CPEB4: variants seen among roughly 807,000 people sequenced by gnomAD.
CPEB4 encodes cytoplasmic polyadenylation element-binding protein 4.
In CPEB4, 12 loss-of-function variants were observed where a neutral mutation model predicts 72.5. The ratio of observed to expected loss-of-function variants is 0.17; its 90% CI spans 0.11 to 0.27. CPEB4 has a LOEUF of 0.27. CPEB4 is among the 10% of genes least tolerant of loss of function. The pLI, the probability that CPEB4 is intolerant of heterozygous loss-of-function variation, is 1.00. For missense variants in CPEB4, 614 were observed against 908.5 expected (o/e 0.68, Z 4.17); for synonymous variants, 302 against 326.3 (o/e 0.93, Z 0.80).
At chr5:173,910,321 A>G (rs528548211) in intron 1 of CPEB4, among the ~76,000 whole-genome samples, 2 of 152,290 alleles carry the variant, frequency 1.3e-5, no homozygotes, top group Admixed American at 6.5e-5. Context: ...TTAGAAGTCA[A>G]ATCACTCTTT....
intron 7 of CPEB4, 29 bp from the exon 8 acceptor site, chr5:173,951,795 T>A: frequency 7.5e-7 from 1 of 1,332,370 alleles, no homozygotes. Context: ...GTATTGAGAA[T>A]GAGACATTTT....
chr5:173,935,905 T>C (rs975784710), intron 3 of CPEB4, among the ~76,000 whole-genome samples: 1 of 152,192 alleles, frequency 6.6e-6, no homozygotes, highest in African/African-American at 2.4e-5. Context: ...CCCTGCTCGA[T>C]CATCAATTTC....
chr5:173,893,950 C>A (rs1755908399), intron 1 of CPEB4, among the ~76,000 whole-genome samples: 1 of 152,130 alleles, frequency 6.6e-6, no homozygotes, highest in Non-Finnish European at 1.5e-5. Context: ...TAGCTTAAAG[C>A]TTCATTACAT....
intron 3 of CPEB4, among the ~76,000 whole-genome samples, chr5:173,939,669 G>A (rs1165214192): frequency 6.6e-6 from 1 of 151,588 alleles, no homozygotes; most frequent in Non-Finnish European, 1.5e-5. Context: ...ATCCTGTAAA[G>A]ACGTTTTAGA....
chr5:173,923,700 C>CT lies in CPEB4; in HGVS notation c.1208-8741dup, dbSNP rs1323458592. Reference sequence around the variant, plus strand: ...TTTCTTTCCATTATATTTTTTTCACCTTTTTTTTTCCAACTGACTTTGGCT... The same window carrying CT: ...TTTCTTTCCATTATATTTTTTTCACCTTTTTTTTTTCCAACTGACTTTGGCT... On this transcript the variant is annotated intron_variant, in intron 2 of 9. Coordinates refer to ENST00000265085, the MANE Select transcript of CPEB4 (RefSeq NM_030627.4). 4.3e-4 allele frequency among the ~76,000 whole-genome samples: 65 copies of CT among 150,536 alleles called. 1 individual carries two copies. The highest frequency in any genetic ancestry group is 7.7e-4 in the East Asian group (4 of 5,174).
intron 2 of CPEB4, 33 bp downstream of exon 2, chr5:173,910,637 A>G (rs769924421): frequency 7.4e-7 from 1 of 1,344,196 alleles, no homozygotes; most frequent in Non-Finnish European, 1.1e-6. Flanking sequence ...TTGATTTCAG[A>G]CAATAGTTTT....
chr5:173,909,351 T>G (rs1429875267), intron 1 of CPEB4, among the ~76,000 whole-genome samples: 3 of 152,198 alleles, frequency 2.0e-5, no homozygotes, highest in Non-Finnish European at 4.4e-5. Context: ...GACTGGGTTG[T>G]TTGGGGACCT....
Position 173,960,099 on chromosome 5 carries a change from T to G in CPEB4, c.*3962T>G, listed in dbSNP as rs1476646754. On this transcript the variant is annotated 3_prime_UTR_variant, in exon 10 of 10. Transcript: ENST00000265085. ...TAAATAAGGGTAATTCATTTTTTAT[T>G]AAAGTCATTTTCACGTTAAGTTCCT... is the stretch of plus-strand genomic sequence containing the variant. The G allele has an allele frequency of 6.5e-6, 1 of 152,732 alleles. No individual in the cohort carries two copies. The highest frequency in any genetic ancestry group is 1.5e-5 in the Non-Finnish European group (1 of 68,014). 9.5% of individuals were successfully genotyped at this position (152,732 alleles called of 1,614,324 possible).
chr5:173,905,116 G>C (rs535214585), intron 1 of CPEB4, among the ~76,000 whole-genome samples: 1 of 151,884 alleles, frequency 6.6e-6, no homozygotes, highest in African/African-American at 2.4e-5. Flanking sequence ...ATAAAGGGTA[G>C]GTCTGCTTTT....
In CPEB4 at chr5:173,950,079, G is replaced by C; in HGVS notation, c.1665+1G>C. ...AAGTCCCACTATCAAGGATAAGCCA[G>C]TAAGTGTGGTTTAGCATAAAATAGC... On this transcript the variant is annotated splice_donor_variant, in intron 7 of 9. Transcript: ENST00000265085. LOFTEE classifies it high-confidence loss of function. The surrounding 1 kb of genome is among the most constrained non-coding windows in gnomAD (Gnocchi z 5.0). 6.4e-7 allele frequency: 1 copy of C among 1,563,978 alleles called. No individual in the cohort carries two copies.
chr5:173,916,035 T>C (rs1756854279), intron 2 of CPEB4, among the ~76,000 whole-genome samples: 1 of 152,172 alleles, frequency 6.6e-6, no homozygotes, highest in African/African-American at 2.4e-5. Context: ...ATGATAGTGG[T>C]TGAGTATTTT....
At chr5:173,948,346 T>A (rs1261411147) in intron 5 of CPEB4, among the ~76,000 whole-genome samples, 1 of 152,078 alleles carries the variant, frequency 6.6e-6, no homozygotes, top group African/African-American at 2.4e-5. Flanking sequence ...GAGAAAAGGT[T>A]TGCTTGTGGT....
chr5:173,925,017 A>G (rs1757194595), intron 2 of CPEB4, among the ~76,000 whole-genome samples: 1 of 152,158 alleles, frequency 6.6e-6, no homozygotes, highest in African/African-American at 2.4e-5. Context: ...TTCTCATAAG[A>G]TGTGAGGCCT....
rs35059321 is a variant in CPEB4 at position 173,894,620 on chromosome 5, C to CAA, written c.1125+3780_1125+3781dup. Among the ~76,000 whole-genome samples, 741 of 90,192 alleles carry CAA rather than the reference C, an allele frequency of 8.2e-3. 7 individuals carry two copies. Among genetic ancestry groups the CAA allele is most frequent in the African/African-American group, 0.026 (673 of 25,414 alleles). 59.2% of individuals were successfully genotyped at this position (90,192 alleles called of 152,430 possible). A position where few individuals can be genotyped will look rare whatever the true frequency, so the allele number is the denominator to read the frequency against. On this transcript the variant is annotated intron_variant, in intron 1 of 9. Coordinates refer to ENST00000265085, the MANE Select transcript of CPEB4 (RefSeq NM_030627.4). ...TGGGGGACAGAGTGAGACTCCGACT[C>CAA]AAAAAAAAAAAAAAAAAAATCTAAC...
rs193004952 is a variant in CPEB4, at chr5:173,923,377, C to T, written c.1208-9073C>T. Among the ~76,000 whole-genome samples, 13 of 152,282 alleles carry T rather than the reference C, an allele frequency of 8.5e-5. No homozygotes were observed. The East Asian group carries it at 2.5e-3, about 29-fold the overall frequency. On this transcript the variant is annotated intron_variant, in intron 2 of 9. Coordinates refer to ENST00000265085, the MANE Select transcript of CPEB4 (RefSeq NM_030627.4). ...AGTCTAATTAGATCTCTTGTGGCTT[C>T]TCTCTCTTATCTCTAAAGTTCTCAA...
intron 7 of CPEB4, 39 bp from the exon 8 acceptor site, chr5:173,951,785 G>T (rs1758224355): frequency 8.3e-7 from 1 of 1,200,884 alleles, no homozygotes; most frequent in Non-Finnish European, 1.2e-6. Flanking sequence ...TGAATTGTCT[G>T]TATTGAGAAT....
chr5:173,947,710 G>A (rs1309410577), intron 5 of CPEB4, among the ~76,000 whole-genome samples: 1 of 152,168 alleles, frequency 6.6e-6, no homozygotes, highest in Non-Finnish European at 1.5e-5. Context: ...ATAAATTTGT[G>A]TTTGGGCGTG....
intron 3 of CPEB4, among the ~76,000 whole-genome samples, chr5:173,937,809 C>T (rs1032317349): frequency 6.6e-6 from 1 of 152,156 alleles, no homozygotes; most frequent in African/African-American, 2.4e-5. Flanking sequence ...ATTCTCTGCT[C>T]TTTTCTAAGG....
rs1561606406 is a variant in CPEB4, at chr5:173,900,505, CAGTTGAGGTCT to C, written c.1125+9649_1125+9659del. The stretch of plus-strand genomic sequence containing the variant: ...CATGGAGAACAGGAACTCTAACAGC[CAGTTGAGGTCT>C]AAATAACTTCATTCCTCAAGGCTGA... On this transcript the variant is annotated intron_variant, in intron 1 of 9. Transcript: ENST00000265085. The surrounding 1 kb of genome is among the most constrained non-coding windows in gnomAD (Gnocchi z 4.4). Among the ~76,000 whole-genome samples, 1 of 152,130 alleles carries C rather than the reference CAGTTGAGGTCT, an allele frequency of 6.6e-6. No individual in the cohort carries two copies. The highest frequency in any genetic ancestry group is 2.4e-5 in the African/African-American group (1 of 41,432).
Sources: gnomAD v4.1 joint callset for allele counts (sites outside exome capture counted in the v4.1 genomes callset) on GRCh38, gnomAD v4.1.1 for gene constraint, Gnocchi (gnomAD v3.1) non-coding constraint, MANE v1.5 for transcripts, NCBI Gene and HGNC (gene_info 2026-07-23, HGNC 2026-07-21) for gene names.